The following F13B variants were observed in gnomAD, a reference collection of about 807,000 sequenced individuals.
The protein encoded by F13B is coagulation factor XIII B chain.
F13B carries 58 observed loss-of-function variants against 79.8 expected under a neutral mutation model. The ratio of observed to expected loss-of-function variants is 0.73; its 90% CI spans 0.59 to 0.90. F13B has a LOEUF of 0.90. F13B is among the 40% of genes least tolerant of loss of function. The pLI is 0.00. For synonymous variants in F13B, 283 were observed against 260.3 expected (o/e 1.09, Z -0.84); for missense variants, 773 against 777.0 (o/e 0.99, Z 0.06).
chr1:197,058,953 A>T (rs557116751), intron 5 of F13B, among the ~76,000 whole-genome samples: 1 of 152,172 alleles, frequency 6.6e-6, no homozygotes, highest in Admixed American at 6.6e-5. Flanking sequence ...TCTGCCATTT[A>T]TTTTTGAAGT....
chr1:197,045,827 G>T (rs1453071881), intron 10 of F13B, among the ~76,000 whole-genome samples: 1 of 152,128 alleles, frequency 6.6e-6, no homozygotes, highest in Non-Finnish European at 1.5e-5. Context: ...CGATCAAGAT[G>T]GCTTCATCCC....
chr1:197,058,476 A>G (rs1759007), intron 5 of F13B, among the ~76,000 whole-genome samples: 131,070 of 152,124 alleles, frequency 0.86, 57,068 homozygotes, highest in East Asian at 1. Context: ...CCTGCTGGAG[A>G]CTTTGGAGGA....
At chr1:197,056,325 C>A (rs1171323878) in intron 7 of F13B, among the ~76,000 whole-genome samples, 17 of 152,002 alleles carry the variant, frequency 1.1e-4, no homozygotes, top group Non-Finnish European at 5.9e-5. Flanking sequence ...TTTTTGGTAT[C>A]TTTCTCTCAC....
intron 9 of F13B, 28 bp from the exon 10 acceptor site, chr1:197,050,907 A>G: frequency 6.4e-7 from 1 of 1,560,680 alleles, no homozygotes; most frequent in Non-Finnish European, 8.8e-7. Context: ...AAAGTATACA[A>G]TGAATTGCTA....
intron 7 of F13B, 75 bp downstream of exon 7, chr1:197,056,937 TA>T: frequency 6.1e-6 from 9 of 1,483,946 alleles, no homozygotes; most frequent in Non-Finnish European, 6.5e-6. Flanking sequence ...TTCCTAGGAA[TA>T]TTCAGATTAA....
At chr1:197,055,241 G>A (rs1655595678) in intron 8 of F13B, among the ~76,000 whole-genome samples, 1 of 151,900 alleles carries the variant, frequency 6.6e-6, no homozygotes, top group South Asian at 2.1e-4. Flanking sequence ...TGTAACAAAC[G>A]TGTCCATTCA....
At position 197,057,046 on chromosome 1, in the gene F13B, G is replaced by C. The variant is rs559428305; in HGVS notation, c.1138C>G (p.Arg380Gly). ...LHGSNEITCN[R>G]GKWTLPPECV... ...TCAGGAGGAAGTGTCCATTTTCCAC[G>C]ATTACAAGTTATCTCATTCGATCCA... Residue 380 changes from arginine to glycine, a missense_variant, in exon 7 of 12, where the codon CGT (arginine) becomes GGT (glycine). Coordinates refer to ENST00000367412, the MANE Select transcript of F13B (RefSeq NM_001994.3). 3 of 1,613,676 alleles carry C rather than the reference G, an allele frequency of 1.9e-6. No homozygotes were observed. The highest frequency in any genetic ancestry group is 2.5e-6 in the Non-Finnish European group (3 of 1,179,860).
rs944793688 is a variant in F13B at position 197,049,339 on chromosome 1, C to G, written c.1738+1358G>C. The stretch of plus-strand genomic sequence containing the variant: ...TGCAAATGTTGGTTTTTTGAAAACA[C>G]TAATAAAATGTATAGACCCTTAGCA... On this transcript the variant is annotated intron_variant, in intron 10 of 11. Transcript: ENST00000367412. Among the ~76,000 whole-genome samples the G allele has an allele frequency of 1.9e-4, 29 of 151,864 alleles. 1 individual carries two copies. The highest frequency in any genetic ancestry group is 6.7e-4 in the African/African-American group (28 of 41,504).
chr1:197,062,788 G>C (rs1655910027), intron 2 of F13B, 69 bp downstream of exon 2: 1 of 1,454,164 alleles, frequency 6.9e-7, no homozygotes, highest in Non-Finnish European at 9.7e-7. Context: ...CATTTTTATT[G>C]GACCCCTATT....
chr1:197,042,104 C>T (rs1452465178), intron 10 of F13B, among the ~76,000 whole-genome samples: 1 of 152,162 alleles, frequency 6.6e-6, no homozygotes, highest in African/African-American at 2.4e-5. Context: ...CAGTTTATAG[C>T]AGGTAACTGA....
rs938679299 is a variant in F13B at position 197,044,175 on chromosome 1, A to G, written c.1739-3440T>C. Reference sequence around the variant, plus strand: ...AGAAATGGTACACTCCTGACCAAATACTGTGCTTTTCCCAAGGTCTTAGCC... The same window carrying G: ...AGAAATGGTACACTCCTGACCAAATGCTGTGCTTTTCCCAAGGTCTTAGCC... On this transcript the variant is annotated intron_variant, in intron 10 of 11. Coordinates refer to ENST00000367412, the MANE Select transcript of F13B (RefSeq NM_001994.3). Among the ~76,000 whole-genome samples the G allele has an allele frequency of 3.9e-5, 6 of 152,110 alleles. 1 individual carries two copies. The South Asian group carries it at 1.0e-3, about 26-fold the overall frequency.
chr1:197,040,800 A>G, intron 10 of F13B, 65 bp from the exon 11 acceptor site: 1 of 1,367,552 alleles, frequency 7.3e-7, no homozygotes. Context: ...CATCTTGGTA[A>G]GAACAGGAAT....
chr1:197,055,099 G>GA (rs1422462024), intron 8 of F13B, among the ~76,000 whole-genome samples: 3 of 151,968 alleles, frequency 2.0e-5, no homozygotes, highest in Admixed American at 6.6e-5. Context: ...TATTTTGAGT[G>GA]AAAAAATCTA....
intron 1 of F13B, 67 bp from the exon 2 acceptor site, chr1:197,063,124 T>C: frequency 7.1e-7 from 1 of 1,417,088 alleles, no homozygotes. Context: ...TGTAATCAGG[T>C]GACAATACAA....
chr1:197,060,274 A>G (rs1336403582), intron 5 of F13B, 92 bp downstream of exon 5: 2 of 906,134 alleles, frequency 2.2e-6, no homozygotes, highest in Non-Finnish European at 3.4e-6. Flanking sequence ...AGGAAAAAAA[A>G]TAGATATGAC....
At position 197,040,491 on chromosome 1, in the gene F13B, AT is replaced by A. The variant is rs754612021; in HGVS notation, c.1952+30del. The A allele has an allele frequency of 5.8e-5, 89 of 1,525,086 alleles. No individual in the cohort carries two copies. In the Middle Eastern group the frequency reaches 6.8e-4, roughly 12 times the overall value. The allele number at this position is 1,525,086 out of a possible 1,614,324, so 94.5% of individuals were successfully genotyped here. A position where few individuals can be genotyped will look rare whatever the true frequency, so the allele number is the denominator to read the frequency against. The stretch of plus-strand genomic sequence containing the variant: ...TTGAATAACAATCTGACCAAAAAAA[AT>A]AATCTGACCAAAAAAAAAAAACTTC... On this transcript the variant is annotated intron_variant, in intron 11 of 11. Coordinates refer to ENST00000367412, the MANE Select transcript of F13B (RefSeq NM_001994.3).
chr1:197,059,768 C>G (rs1382229218), intron 5 of F13B, among the ~76,000 whole-genome samples: 1 of 152,040 alleles, frequency 6.6e-6, no homozygotes, highest in Non-Finnish European at 1.5e-5. Context: ...GTATAGGACC[C>G]TCCTCATATT....
chr1:197,064,069 C>T (rs1055003578), intron 1 of F13B, among the ~76,000 whole-genome samples: 1 of 152,090 alleles, frequency 6.6e-6, no homozygotes, highest in Non-Finnish European at 1.5e-5. Flanking sequence ...CTTAGCATTA[C>T]TAGTCATCAG....
At chr1:197,062,219 G>A (rs1655890072) in intron 2 of F13B, among the ~76,000 whole-genome samples, 1 of 151,788 alleles carries the variant, frequency 6.6e-6, no homozygotes, top group Non-Finnish European at 1.5e-5. Context: ...AACCACAATA[G>A]CCATATTCAA....
Sources: allele counts gnomAD v4.1 joint callset (sites outside exome capture counted in the v4.1 genomes callset), GRCh38; gene constraint gnomAD v4.1.1; transcripts MANE v1.5; gene names NCBI Gene and HGNC (gene_info 2026-07-23, HGNC 2026-07-21).